The following PDE11A variants were observed in gnomAD, a reference collection of about 807,000 sequenced individuals.
PDE11A encodes the protein phosphodiesterase 11A.
A neutral mutation model predicts 100.5 loss-of-function variants in PDE11A; 100 were observed. The ratio of observed to expected loss-of-function variants is 1.00; its 90% CI spans 0.85 to 1.18. PDE11A has a LOEUF of 1.18. Ranked by LOEUF, PDE11A falls within the 50% of genes most tolerant of loss-of-function variation. The pLI is 0.00. For synonymous variants in PDE11A, 381 were observed against 420.8 expected (o/e 0.91, Z 1.16); for missense variants, 1,141 against 1,152.6 (o/e 0.99, Z 0.15).
chr2:177,699,556 G>C (rs1014046227), intron 14 of PDE11A, among the ~76,000 whole-genome samples: 3 of 152,202 alleles, frequency 2.0e-5, no homozygotes, highest in African/African-American at 7.2e-5. Context: ...TTTGGTCCCT[G>C]AAGTAGATTT....
chr2:177,932,833 A>T (rs1346699790), intron 2 of PDE11A, among the ~76,000 whole-genome samples: 1 of 85,878 alleles, frequency 1.2e-5, no homozygotes, highest in African/African-American at 4.8e-5. Flanking sequence ...GGCAAGAGTT[A>T]AAAAAAAAAA....
At chr2:177,850,766 C>G (rs1305312615) in intron 5 of PDE11A, among the ~76,000 whole-genome samples, 13 of 152,284 alleles carry the variant, frequency 8.5e-5, no homozygotes, top group African/African-American at 2.6e-4. Context: ...ATTTATGCAG[C>G]CAACAGACAC....
At chr2:177,906,596 T>C (rs559866019) in intron 2 of PDE11A, among the ~76,000 whole-genome samples, 1 of 152,298 alleles carries the variant, frequency 6.6e-6, no homozygotes, top group South Asian at 2.1e-4. Context: ...TAAGAAGACA[T>C]ACAAAAATCA....
chr2:177,667,383 C>T (rs1345963064), intron 18 of PDE11A, among the ~76,000 whole-genome samples: 1 of 152,046 alleles, frequency 6.6e-6, no homozygotes, highest in South Asian at 2.1e-4. Flanking sequence ...TAGTTTTAGC[C>T]CTTACATTTA....
chr2:177,881,558 G>A (rs2084343356), intron 4 of PDE11A, among the ~76,000 whole-genome samples: 1 of 152,186 alleles, frequency 6.6e-6, no homozygotes, highest in South Asian at 2.1e-4. Context: ...TATACATGTG[G>A]CATTAGTCCG....
At chr2:177,688,819 T>C (rs2080996559) in intron 15 of PDE11A, among the ~76,000 whole-genome samples, 1 of 152,232 alleles carries the variant, frequency 6.6e-6, no homozygotes, top group African/African-American at 2.4e-5. Flanking sequence ...TGGTTACCAG[T>C]CACCCATCAC....
At chr2:177,692,360 G>A (rs547678401) in intron 15 of PDE11A, among the ~76,000 whole-genome samples, 1 of 152,162 alleles carries the variant, frequency 6.6e-6, no homozygotes, top group Non-Finnish European at 1.5e-5. Flanking sequence ...TATGGTGCAT[G>A]TTTTATTAAG....
At chr2:177,700,026 A>G (rs2081173664) in intron 14 of PDE11A, among the ~76,000 whole-genome samples, 1 of 152,190 alleles carries the variant, frequency 6.6e-6, no homozygotes, top group Non-Finnish European at 1.5e-5. Flanking sequence ...AAGTTCTTCC[A>G]TAGTTCTCAG....
intron 6 of PDE11A, among the ~76,000 whole-genome samples, chr2:177,824,602 T>A (rs1000641063): frequency 6.6e-6 from 1 of 152,202 alleles, no homozygotes; most frequent in African/African-American, 2.4e-5. Flanking sequence ...ATCAATTTCA[T>A]ATCTAGGAAT....
intron 5 of PDE11A, among the ~76,000 whole-genome samples, chr2:177,857,810 A>G (rs1208578156): frequency 2.6e-5 from 4 of 152,098 alleles, no homozygotes; most frequent in Non-Finnish European, 5.9e-5. Flanking sequence ...AGATTCAAAG[A>G]CATGACTGGG....
intron 6 of PDE11A, among the ~76,000 whole-genome samples, chr2:177,837,476 CTT>C (rs35254631): frequency 2.3e-4 from 33 of 141,656 alleles, no homozygotes; most frequent in Middle Eastern, 3.6e-3. Flanking sequence ...TTCTTTCTTT[CTT>C]TTTTTTTTTT....
At chr2:177,805,255 G>C (rs945304437) in intron 9 of PDE11A, among the ~76,000 whole-genome samples, 9 of 151,984 alleles carry the variant, frequency 5.9e-5, no homozygotes, top group African/African-American at 2.2e-4. Context: ...TCCCCTCTCA[G>C]ATGCTCTTAT....
chr2:177,678,614 G>A (rs777127999), intron 16 of PDE11A, among the ~76,000 whole-genome samples: 3 of 152,118 alleles, frequency 2.0e-5, no homozygotes, highest in Non-Finnish European at 4.4e-5. Context: ...TACAGATGGT[G>A]CTCCCTTAGA....
At chr2:177,765,448 A>G (rs2082225673) in intron 10 of PDE11A, among the ~76,000 whole-genome samples, 1 of 152,152 alleles carries the variant, frequency 6.6e-6, no homozygotes, top group Admixed American at 6.5e-5. Context: ...TCTCCTACTT[A>G]TTTTTGGGAG....
At chr2:177,773,522 C>A (rs7562835) in intron 9 of PDE11A, among the ~76,000 whole-genome samples, 1 of 151,858 alleles carries the variant, frequency 6.6e-6, no homozygotes, top group Non-Finnish European at 1.5e-5. Flanking sequence ...ACATCTTAGA[C>A]CTAAAGCTTT....
chr2:178,076,701 G>C (rs2087211485), upstream of PDE11A, among the ~76,000 whole-genome samples: 1 of 152,168 alleles, frequency 6.6e-6, no homozygotes, highest in Admixed American at 6.5e-5. Context: ...ATATGTAAAG[G>C]GAGGCTGAAA....
At chr2:178,027,586 G>A (rs2086493419) in intron 1 of PDE11A, among the ~76,000 whole-genome samples, 1 of 152,052 alleles carries the variant, frequency 6.6e-6, no homozygotes, top group Admixed American at 6.6e-5. Flanking sequence ...AGATATAAGC[G>A]AGTCCAAGCT....
At chr2:177,699,679 C>T (rs1158507431) in intron 14 of PDE11A, among the ~76,000 whole-genome samples, 1 of 152,172 alleles carries the variant, frequency 6.6e-6, no homozygotes, top group African/African-American at 2.4e-5. Context: ...CTTCCTCAAG[C>T]TATCTAACTT....
intron 1 of PDE11A, among the ~76,000 whole-genome samples, chr2:178,026,425 G>A (rs1035067218): frequency 1.3e-5 from 2 of 152,134 alleles, no homozygotes; most frequent in African/African-American, 4.8e-5. Flanking sequence ...ACTTTGGGAG[G>A]CCAAGGTGGG....
Sources: gnomAD v4.1 joint callset for allele counts (sites outside exome capture counted in the v4.1 genomes callset) on GRCh38, gnomAD v4.1.1 for gene constraint, MANE v1.5 for transcripts, NCBI Gene and HGNC (gene_info 2026-07-23, HGNC 2026-07-21) for gene names.